SLC30A8: variants seen among roughly 807,000 people sequenced by gnomAD.
SLC30A8 encodes proton-coupled zinc antiporter SLC30A8.
A neutral mutation model predicts 36.9 loss-of-function variants in SLC30A8; 27 were observed. The observed-to-expected ratio is 0.73, with a 90% confidence interval of 0.54 to 1.01. The LOEUF is 1.01. Among genes scored for constraint, SLC30A8 ranks in the 50% least tolerant of loss-of-function variants. The pLI, the probability that SLC30A8 is intolerant of heterozygous loss-of-function variation, is 0.00. For missense variants in SLC30A8, 439 were observed against 452.0 expected (o/e 0.97, Z 0.26); for synonymous variants, 164 against 172.4 (o/e 0.95, Z 0.38).
intron 1 of SLC30A8, among the ~76,000 whole-genome samples, chr8:117,141,625 G>T (rs2130950873): frequency 6.6e-6 from 1 of 152,104 alleles, no homozygotes; most frequent in East Asian, 1.9e-4. Context: ...GGTGATTTCT[G>T]AGATTTTGAA....
intron 1 of SLC30A8, among the ~76,000 whole-genome samples, chr8:117,034,696 T>G (rs1478989231): frequency 1.3e-5 from 2 of 152,198 alleles, no homozygotes; most frequent in African/African-American, 4.8e-5. Flanking sequence ...TAACTGAGTG[T>G]ATTAGTCCAT....
intron 1 of SLC30A8, among the ~76,000 whole-genome samples, chr8:117,139,172 TG>T (rs1292799828): frequency 6.6e-6 from 1 of 152,042 alleles, no homozygotes; most frequent in Non-Finnish European, 1.5e-5. Context: ...TAAAGAAGCC[TG>T]TTATAGATTG....
At chr8:116,991,453 C>T (rs1206066375) in intron 1 of SLC30A8, among the ~76,000 whole-genome samples, 5 of 151,952 alleles carry the variant, frequency 3.3e-5, no homozygotes, top group East Asian at 1.9e-4. Context: ...TACAGGCACC[C>T]GCCACCACAC....
intron 2 of SLC30A8, among the ~76,000 whole-genome samples, chr8:117,115,488 T>C (rs1429744533): frequency 6.6e-6 from 1 of 152,104 alleles, no homozygotes; most frequent in African/African-American, 2.4e-5. Context: ...TGCATTTTGC[T>C]AGCAGCAGTA....
At chr8:116,964,734 A>G (rs1814542340) in intron 1 of SLC30A8, among the ~76,000 whole-genome samples, 1 of 152,204 alleles carries the variant, frequency 6.6e-6, no homozygotes, top group Admixed American at 6.5e-5. Context: ...ACATTTCTAA[A>G]TGGCCTGAGG....
intron 2 of SLC30A8, among the ~76,000 whole-genome samples, chr8:117,099,533 A>G (rs1194846059): frequency 4.6e-5 from 7 of 152,178 alleles, no homozygotes; most frequent in African/African-American, 1.7e-4. Context: ...TCTCATCTGA[A>G]GTCTAGGAAG....
At chr8:117,057,112 A>T (rs1817895466) in intron 2 of SLC30A8, among the ~76,000 whole-genome samples, 1 of 152,166 alleles carries the variant, frequency 6.6e-6, no homozygotes, top group Non-Finnish European at 1.5e-5. Context: ...AACTCTTAAG[A>T]TCAAGGAGCC....
intron 2 of SLC30A8, among the ~76,000 whole-genome samples, chr8:117,067,313 G>T (rs1221248405): frequency 6.6e-6 from 1 of 151,488 alleles, no homozygotes; most frequent in African/African-American, 2.4e-5. Context: ...AAATCAATAG[G>T]TGTTTTTCAT....
chr8:117,008,115 T>A (rs767474143), intron 1 of SLC30A8, among the ~76,000 whole-genome samples: 6 of 152,200 alleles, frequency 3.9e-5, no homozygotes, highest in Non-Finnish European at 8.8e-5. Context: ...TAGTAAACTA[T>A]TTGAGCTTCA....
At chr8:117,065,447 C>G in intron 2 of SLC30A8, among the ~76,000 whole-genome samples, 1 of 152,108 alleles carries the variant, frequency 6.6e-6, no homozygotes, top group East Asian at 1.9e-4. Flanking sequence ...AAATTGTAGC[C>G]TGCTGGTGTC....
intron 2 of SLC30A8, among the ~76,000 whole-genome samples, chr8:117,043,151 G>A (rs962688447): frequency 1.3e-5 from 2 of 152,200 alleles, no homozygotes; most frequent in Non-Finnish European, 2.9e-5. Flanking sequence ...TTTCCAGACA[G>A]TATATAATTA....
intron 1 of SLC30A8, among the ~76,000 whole-genome samples, chr8:117,141,596 C>T (rs749788339): frequency 7.2e-5 from 11 of 152,102 alleles, no homozygotes; most frequent in Non-Finnish European, 1.3e-4. Flanking sequence ...TGTTTGGTTA[C>T]ATGGATAAGC....
chr8:117,035,341 A>C (rs1362878931), intron 1 of SLC30A8, among the ~76,000 whole-genome samples: 2 of 152,254 alleles, frequency 1.3e-5, no homozygotes, highest in African/African-American at 2.4e-5. Context: ...AAATTGGTCA[A>C]AACAAAGGGG....
chr8:117,007,369 T>G (rs1816218110), intron 1 of SLC30A8, among the ~76,000 whole-genome samples: 1 of 152,232 alleles, frequency 6.6e-6, no homozygotes, highest in South Asian at 2.1e-4. Context: ...AAAATCTCTT[T>G]TCCTCTCATA....
intron 1 of SLC30A8, among the ~76,000 whole-genome samples, chr8:116,973,844 T>C (rs1016327999): frequency 4.6e-5 from 7 of 152,110 alleles, no homozygotes; most frequent in Non-Finnish European, 1.0e-4. Context: ...AACAGAGATA[T>C]AGACCAATGG....
intron 2 of SLC30A8, among the ~76,000 whole-genome samples, chr8:117,151,678 A>G (rs1348319470): frequency 2.0e-5 from 3 of 152,336 alleles, no homozygotes; most frequent in Middle Eastern, 3.4e-3. Flanking sequence ...TCAGCCCAGC[A>G]CATAGAATCG....
At position 117,074,330 on chromosome 8, in the gene SLC30A8, T is replaced by C. The variant is rs188190326; in HGVS notation, c.-226+35072T>C. ...TTGAGTCAACATGGAACAAAAGAAATCTAAGAATCCAAACTCTAGCATAGA... is the reference window on the plus strand; with the variant it reads ...TTGAGTCAACATGGAACAAAAGAAACCTAAGAATCCAAACTCTAGCATAGA... On this transcript the variant is annotated intron_variant, in intron 2 of 10. Transcript: ENST00000427715. 1.3e-3 allele frequency among the ~76,000 whole-genome samples: 202 copies of C among 152,270 alleles called. 3 individuals are homozygous for C. The highest frequency in any genetic ancestry group is 9.5e-3 in the Admixed American group (146 of 15,298).
chr8:117,157,173 G>A (rs1822534795), intron 3 of SLC30A8, among the ~76,000 whole-genome samples: 1 of 152,156 alleles, frequency 6.6e-6, no homozygotes, highest in Non-Finnish European at 1.5e-5. Context: ...TCACCTCTGT[G>A]TTTATAATAT....
intron 2 of SLC30A8, among the ~76,000 whole-genome samples, chr8:117,098,786 A>G (rs1819582696): frequency 6.6e-6 from 1 of 152,198 alleles, no homozygotes; most frequent in Admixed American, 6.5e-5. Flanking sequence ...TTGTTAGCTC[A>G]GCAGCAAAAA....
Sources: allele counts gnomAD v4.1 joint callset (sites outside exome capture counted in the v4.1 genomes callset), GRCh38; gene constraint gnomAD v4.1.1; transcripts MANE v1.5; gene names NCBI Gene and HGNC (gene_info 2026-07-23, HGNC 2026-07-21).